Variants in CD2AP observed in about 807,000 individuals in gnomAD.
CD2AP encodes CD2 associated protein, also known as CD2-associated protein.
Under a neutral mutation model 85.1 loss-of-function variants are expected in CD2AP, and 46 were observed. The observed-to-expected ratio is 0.54, with a 90% CI of 0.43 to 0.69. CD2AP has a LOEUF of 0.69. Among genes scored for constraint, CD2AP ranks in the 30% least tolerant of loss-of-function variants. The pLI, the probability that CD2AP is intolerant of heterozygous loss-of-function variation, is 0.00. For synonymous variants in CD2AP, 255 were observed against 252.9 expected (o/e 1.01, Z -0.08); for missense variants, 769 against 729.5 (o/e 1.05, Z -0.62).
rs1427015415 is a variant in CD2AP at position 47,582,275 on chromosome 6, G to C, written c.1108+210G>C. On this transcript the variant is annotated intron_variant, in intron 11 of 17. Coordinates refer to ENST00000359314, the MANE Select transcript of CD2AP (RefSeq NM_012120.3). Reference sequence around the variant, plus strand: ...ATTAAAAAATTAAACTATTCAGTAGGATGTTGTCTTTATTCAGTTATTTCA... The same window carrying C: ...ATTAAAAAATTAAACTATTCAGTAGCATGTTGTCTTTATTCAGTTATTTCA... The C allele has an allele frequency of 6.3e-6, 3 of 472,470 alleles. No homozygotes were observed. The East Asian group carries it at 1.1e-4, about 18-fold the overall frequency. The allele number at this position is 472,470 out of a possible 1,614,324, so 29.3% of individuals were successfully genotyped here. A position where few individuals can be genotyped will look rare whatever the true frequency, so the allele number is the denominator to read the frequency against.
chr6:47,553,411 A>G (rs1267657052), intron 4 of CD2AP, among the ~76,000 whole-genome samples: 3 of 149,008 alleles, frequency 2.0e-5, no homozygotes, highest in African/African-American at 7.5e-5. Context: ...CAGTGGCGCC[A>G]TCTCAGCTCA....
At chr6:47,561,431 TC>T in intron 5 of CD2AP, among the ~76,000 whole-genome samples, 1 of 152,144 alleles carries the variant, frequency 6.6e-6, no homozygotes, top group Non-Finnish European at 1.5e-5. Flanking sequence ...TTTTGAACCT[TC>T]CCTACCCTAG....
intron 3 of CD2AP, 62 bp downstream of exon 3, chr6:47,533,817 G>A (rs1490603023): frequency 6.4e-7 from 1 of 1,550,896 alleles, no homozygotes; most frequent in Non-Finnish European, 8.8e-7. Context: ...TTATAACTGT[G>A]TCTAAATTAA....
chr6:47,623,580 T>A (rs1769820565), intron 17 of CD2AP, among the ~76,000 whole-genome samples: 1 of 152,154 alleles, frequency 6.6e-6, no homozygotes, highest in African/African-American at 2.4e-5. Flanking sequence ...TGAAATGATC[T>A]CCTTCTTCAT....
Position 47,477,906 on chromosome 6 carries a change from C to T in CD2AP, c.-339C>T, listed in dbSNP as rs1765342589. 2 of 439,240 alleles carry T rather than the reference C, an allele frequency of 4.6e-6. No individual in the cohort carries two copies. The highest frequency in any genetic ancestry group is 8.2e-6 in the Non-Finnish European group (2 of 244,946). 27.2% of individuals were successfully genotyped at this position (439,240 alleles called of 1,614,324 possible). On this transcript the variant is annotated 5_prime_UTR_variant, in exon 1 of 18. Coordinates refer to ENST00000359314, the MANE Select transcript of CD2AP (RefSeq NM_012120.3). ...GGCGCTCGGGGTTGGAGCCGAGGGTCTGGGCAAACCGGTGGGTCCCTCCCC... is the reference window on the plus strand; with the variant it reads ...GGCGCTCGGGGTTGGAGCCGAGGGTTTGGGCAAACCGGTGGGTCCCTCCCC...
At chr6:47,487,046 C>A (rs1398666431) in intron 1 of CD2AP, among the ~76,000 whole-genome samples, 2 of 152,124 alleles carry the variant, frequency 1.3e-5, no homozygotes, top group Non-Finnish European at 2.9e-5. Context: ...ATTAAAAATT[C>A]CTGTTGTGCT....
intron 1 of CD2AP, among the ~76,000 whole-genome samples, chr6:47,493,275 CTTGT>C (rs1765778772): frequency 6.7e-6 from 1 of 149,666 alleles, no homozygotes; most frequent in Admixed American, 6.6e-5. Flanking sequence ...GCAATGAATT[CTTGT>C]TTTTGTTTGA....
chr6:47,508,171 T>A (rs924020136), intron 2 of CD2AP, among the ~76,000 whole-genome samples: 2 of 152,244 alleles, frequency 1.3e-5, no homozygotes, highest in African/African-American at 2.4e-5. Context: ...AGGCTTTGAT[T>A]TCTTTCTACT....
intron 2 of CD2AP, among the ~76,000 whole-genome samples, chr6:47,529,189 C>G (rs1292106087): frequency 7.1e-5 from 3 of 42,274 alleles, no homozygotes; most frequent in Admixed American, 1.8e-4. Flanking sequence ...TACTGCCCCC[C>G]CCCCCCCCCC....
chr6:47,596,555 C>T (rs1470743800), intron 12 of CD2AP, among the ~76,000 whole-genome samples: 3 of 152,028 alleles, frequency 2.0e-5, no homozygotes, highest in Non-Finnish European at 4.4e-5. Context: ...GACTTAACAT[C>T]CTCCAGATTC....
intron 8 of CD2AP, among the ~76,000 whole-genome samples, chr6:47,578,029 C>G (rs1013633816): frequency 7.4e-6 from 1 of 134,882 alleles, no homozygotes. Flanking sequence ...TGTCATCTCA[C>G]ATAGTTACCT....
chr6:47,599,510 T>TAA lies in CD2AP; in HGVS notation c.1417+68_1417+69insAA. 5 of 1,373,100 alleles carry TAA rather than the reference T, an allele frequency of 3.6e-6. 1 individual carries two copies. The South Asian group carries it at 5.0e-5, about 14-fold the overall frequency. The allele number at this position is 1,373,100 out of a possible 1,614,324, so 85.1% of individuals were successfully genotyped here. A position where few individuals can be genotyped will look rare whatever the true frequency, so the allele number is the denominator to read the frequency against. ...ATTGTCAAAGAAACTCTTTAAGAGA[T>TAA]ATATTTATGCAATTTGTGTGTGGAT... On this transcript the variant is annotated intron_variant, in intron 13 of 17. Coordinates refer to ENST00000359314, the MANE Select transcript of CD2AP (RefSeq NM_012120.3).
chr6:47,601,482 G>C (rs1769130629), intron 13 of CD2AP, among the ~76,000 whole-genome samples: 1 of 151,902 alleles, frequency 6.6e-6, no homozygotes, highest in African/African-American at 2.4e-5. Flanking sequence ...TTTAGTTCAT[G>C]TTAACTGTCA....
chr6:47,578,001 G>GTGAA (rs1768358649), intron 8 of CD2AP, among the ~76,000 whole-genome samples: 2 of 151,832 alleles, frequency 1.3e-5, no homozygotes, highest in African/African-American at 4.8e-5. Context: ...GGTTATTATA[G>GTGAA]TGAAGCAAAT....
At chr6:47,522,036 A>G (rs1467072854) in intron 2 of CD2AP, among the ~76,000 whole-genome samples, 1 of 151,920 alleles carries the variant, frequency 6.6e-6, no homozygotes, top group Non-Finnish European at 1.5e-5. Context: ...AGAAAGAAAG[A>G]TAACCTAACA....
chr6:47,600,768 C>A (rs991850902), intron 13 of CD2AP, among the ~76,000 whole-genome samples: 4 of 151,778 alleles, frequency 2.6e-5, no homozygotes, highest in Non-Finnish European at 5.9e-5. Flanking sequence ...TTGATCAGTT[C>A]ATATTGTTTT....
At chr6:47,608,314 G>A (rs1205439481) in intron 15 of CD2AP, among the ~76,000 whole-genome samples, 1 of 152,048 alleles carries the variant, frequency 6.6e-6, no homozygotes, top group East Asian at 1.9e-4. Context: ...ACATTCTTAA[G>A]GTCAGGAATG....
chr6:47,583,218 C>T (rs536572323), intron 11 of CD2AP, among the ~76,000 whole-genome samples: 1 of 152,276 alleles, frequency 6.6e-6, no homozygotes, highest in African/African-American at 2.4e-5. Context: ...ACATTCTGTA[C>T]CAGAGTGGCA....
At chr6:47,512,949 G>A (rs1305062140) in intron 2 of CD2AP, among the ~76,000 whole-genome samples, 1 of 152,198 alleles carries the variant, frequency 6.6e-6, no homozygotes, top group Non-Finnish European at 1.5e-5. Context: ...GATACATAAT[G>A]TAGTTGCATC....
Sources: allele counts gnomAD v4.1 joint callset (sites outside exome capture counted in the v4.1 genomes callset), GRCh38; gene constraint gnomAD v4.1.1; transcripts MANE v1.5; gene names NCBI Gene and HGNC (gene_info 2026-07-23, HGNC 2026-07-21).